Variants in DGKD observed in about 807,000 individuals in gnomAD.
DGKD encodes the protein diacylglycerol kinase delta.
In DGKD, 68 loss-of-function variants were observed where a neutral mutation model predicts 154.4. The ratio of observed to expected loss-of-function variants is 0.44; its 90% CI spans 0.36 to 0.54. The LOEUF is 0.54. Ranked by LOEUF, DGKD falls within the 20% of genes least tolerant of loss-of-function variation. The pLI, the probability that DGKD is intolerant of heterozygous loss-of-function variation, is 0.00. For missense variants in DGKD, 1,343 were observed against 1,593.6 expected, an observed-to-expected ratio of 0.84 and a Z score of 2.68; for synonymous variants, 693 against 638.0, an observed-to-expected ratio of 1.09 and a Z score of -1.30.
intron 1 of DGKD, among the ~76,000 whole-genome samples, chr2:233,355,530 C>T (rs1454968527): frequency 6.6e-6 from 1 of 152,232 alleles, no homozygotes; most frequent in African/African-American, 2.4e-5. Context: ...ACTTTCTCCT[C>T]CTGCTGCAGT....
chr2:233,471,237 C>T lies in DGKD; in HGVS notation c.*1777C>T, dbSNP rs1467291542. The T allele has an allele frequency of 2.6e-5, 4 of 152,428 alleles. No homozygotes were observed. The highest frequency in any genetic ancestry group is 6.5e-5 in the Admixed American group (1 of 15,292). 9.4% of individuals were successfully genotyped at this position (152,428 alleles called of 1,614,324 possible). On this transcript the variant is annotated 3_prime_UTR_variant, in exon 30 of 30. Transcript: ENST00000264057. Reference sequence around the variant, plus strand: ...TGGGATTTTTGGATGAAAGACTCTCCCACGCTCTGTTGGTGGACTTAGCTG... The same window carrying T: ...TGGGATTTTTGGATGAAAGACTCTCTCACGCTCTGTTGGTGGACTTAGCTG...
intron 3 of DGKD, among the ~76,000 whole-genome samples, chr2:233,399,809 C>T (rs2061513333): frequency 6.6e-6 from 1 of 152,016 alleles, no homozygotes; most frequent in South Asian, 2.1e-4. Flanking sequence ...GCCTTTCCCC[C>T]AACATGAGGA....
chr2:233,356,038 TG>T (rs1309076477), intron 1 of DGKD, among the ~76,000 whole-genome samples: 1 of 152,140 alleles, frequency 6.6e-6, no homozygotes, highest in Non-Finnish European at 1.5e-5. Context: ...AGTTGGGAGA[TG>T]GACGCCTGTG....
chr2:233,364,242 T>G (rs1701921636), intron 1 of DGKD, among the ~76,000 whole-genome samples: 1 of 152,214 alleles, frequency 6.6e-6, no homozygotes, highest in Non-Finnish European at 1.5e-5. Context: ...AAAATACAGT[T>G]GAAATAAAGA....
At chr2:233,366,376 G>C (rs1702030845) in intron 1 of DGKD, among the ~76,000 whole-genome samples, 1 of 152,138 alleles carries the variant, frequency 6.6e-6, no homozygotes, top group South Asian at 2.1e-4. Flanking sequence ...GGAAGTAGCT[G>C]GATTTGAGAG....
At position 233,452,087 on chromosome 2, in the gene DGKD, G is replaced by C. The variant is rs1374557622; in HGVS notation, c.2264+27G>C. 1.3e-6 allele frequency: 2 copies of C among 1,592,784 alleles called. No homozygotes were observed. Among genetic ancestry groups the C allele is most frequent in the Non-Finnish European group, 1.7e-6 (2 of 1,160,900 alleles). ...TGAGTATGAGGGATAAACCGAGTGG[G>C]CATATTGTTACATGGCTGCTAGTGC... On this transcript the variant is annotated intron_variant, in intron 18 of 29. Transcript: ENST00000264057. The surrounding 1 kb of genome is among the most constrained non-coding windows in gnomAD (Gnocchi z 4.0).
At chr2:233,365,340 C>T (rs762979858) in intron 1 of DGKD, among the ~76,000 whole-genome samples, 2 of 152,034 alleles carry the variant, frequency 1.3e-5, no homozygotes, top group Non-Finnish European at 2.9e-5. Flanking sequence ...AAGTGATTCT[C>T]CTGCCTCAGC....
intron 1 of DGKD, among the ~76,000 whole-genome samples, chr2:233,374,599 T>G (rs1482190771): frequency 2.6e-5 from 4 of 151,956 alleles, no homozygotes; most frequent in Middle Eastern, 6.8e-3. Context: ...TCTCCCAAAG[T>G]GCTGAGATTA....
At chr2:233,397,546 G>T (rs767890555) in intron 3 of DGKD, among the ~76,000 whole-genome samples, 1 of 100,892 alleles carries the variant, frequency 9.9e-6, no homozygotes, top group African/African-American at 3.8e-5. Context: ...GGGGGGGGGG[G>T]GCAGAGTGAG....
intron 1 of DGKD, among the ~76,000 whole-genome samples, chr2:233,382,546 C>G (rs1702955697): frequency 6.6e-6 from 1 of 152,130 alleles, no homozygotes; most frequent in African/African-American, 2.4e-5. Flanking sequence ...CCTGCAGCCC[C>G]TCTGTCCAGG....
At chr2:233,465,554 C>T (rs1016107307) in intron 27 of DGKD, among the ~76,000 whole-genome samples, 4 of 152,026 alleles carry the variant, frequency 2.6e-5, no homozygotes, top group Non-Finnish European at 4.4e-5. Flanking sequence ...GAGTTCAAGA[C>T]CAGGCTCGGC....
At chr2:233,396,403 A>G (rs1310328129) in intron 3 of DGKD, among the ~76,000 whole-genome samples, 1 of 152,100 alleles carries the variant, frequency 6.6e-6, no homozygotes, top group Non-Finnish European at 1.5e-5. Flanking sequence ...TGTTTTGGCA[A>G]GCATTTTTTT....
intron 2 of DGKD, among the ~76,000 whole-genome samples, chr2:233,389,639 A>G (rs952300564): frequency 1.3e-5 from 2 of 151,892 alleles, no homozygotes; most frequent in East Asian, 3.9e-4. Context: ...GGGAGGGGAA[A>G]GGTTACTTAA....
Position 233,463,466 on chromosome 2 carries a change from CCTCACTGCACGCATG to C in DGKD, c.3187-697_3187-683del, listed in dbSNP as rs2063724415. On this transcript the variant is annotated intron_variant, in intron 26 of 29. Transcript: ENST00000264057. Reference sequence around the variant, plus strand: ...ACGCATCTCCTCACTCCACGCATGTCCTCACTGCACGCATGTCCTCACTGCACGCATGTCCTCACT... The same window carrying C: ...ACGCATCTCCTCACTCCACGCATGTCTCCTCACTGCACGCATGTCCTCACT... Among the ~76,000 whole-genome samples, 10 of 114,842 alleles carry C rather than the reference CCTCACTGCACGCATG, an allele frequency of 8.7e-5. 1 individual carries two copies. Among genetic ancestry groups the C allele is most frequent in the East Asian group, 7.2e-4 (3 of 4,170 alleles). The allele number at this position is 114,842 out of a possible 152,430, so 75.3% of individuals were successfully genotyped here.
chr2:233,457,466 TAGAC>T lies in DGKD; in HGVS notation c.2580+141_2580+144del, dbSNP rs1432386017. 2.8e-6 allele frequency: 2 copies of T among 726,896 alleles called. No individual in the cohort carries two copies. The highest frequency in any genetic ancestry group is 4.9e-6 in the Non-Finnish European group (2 of 405,230). The allele number at this position is 726,896 out of a possible 1,614,324, so 45.0% of individuals were successfully genotyped here. On this transcript the variant is annotated intron_variant, in intron 21 of 29. Transcript: ENST00000264057. The surrounding 1 kb of genome is among the most constrained non-coding windows in gnomAD (Gnocchi z 5.5). The stretch of plus-strand genomic sequence containing the variant: ...AGTGGGGTTGCCGTGGAGAACAAGA[TAGAC>T]AGGGTCCCCCACCCAGCTCATCGTC...
intron 3 of DGKD, among the ~76,000 whole-genome samples, chr2:233,432,698 T>C (rs773951153): frequency 3.3e-5 from 5 of 151,836 alleles, no homozygotes; most frequent in Non-Finnish European, 7.4e-5. Context: ...TGAAAACTAT[T>C]CCTCTGACAA....
intron 14 of DGKD, 79 bp downstream of exon 14, chr2:233,448,454 G>A: frequency 7.6e-7 from 1 of 1,312,880 alleles, no homozygotes; most frequent in South Asian, 1.3e-5. Flanking sequence ...GGCCGTGACT[G>A]CAGGTTGTCC....
intron 24 of DGKD, among the ~76,000 whole-genome samples, chr2:233,460,610 G>C (rs754502882): frequency 1.3e-5 from 2 of 152,204 alleles, no homozygotes; most frequent in Non-Finnish European, 2.9e-5. Flanking sequence ...CCCGGGCTCA[G>C]CCGGGCGCGG....
intron 1 of DGKD, among the ~76,000 whole-genome samples, chr2:233,359,188 T>TA (rs1351794963): frequency 6.6e-6 from 1 of 152,242 alleles, no homozygotes; most frequent in Non-Finnish European, 1.5e-5. Flanking sequence ...CGCTTCTAGT[T>TA]ATGAAGCATG....
Sources: gnomAD v4.1 joint callset for allele counts (sites outside exome capture counted in the v4.1 genomes callset) on GRCh38, gnomAD v4.1.1 for gene constraint, Gnocchi (gnomAD v3.1) non-coding constraint, MANE v1.5 for transcripts, NCBI Gene and HGNC (gene_info 2026-07-23, HGNC 2026-07-21) for gene names.